Variants in ZNF559 observed in about 807,000 individuals in gnomAD.
The protein encoded by ZNF559 is zinc finger protein 559, also known as putative protein product of Nbla00121.
ZNF559 carries 17 observed loss-of-function variants against 14.2 expected under a neutral mutation model. The ratio of observed to expected loss-of-function variants is 1.20; its 90% confidence interval spans 0.82 to 1.80. The LOEUF is 1.80. Among genes scored for constraint, ZNF559 ranks in the 40% most tolerant of loss-of-function variants. ZNF559 has a pLI of 0.00. For missense variants in ZNF559, 740 were observed against 629.7 expected (o/e 1.18, Z -1.88); for synonymous variants, 244 against 212.4 (o/e 1.15, Z -1.29).
chr19:9,340,733 A>ATTTTTTTTTTTTT (rs201367378), intron 5 of ZNF559, among the ~76,000 whole-genome samples: 8 of 124,658 alleles, frequency 6.4e-5, no homozygotes, highest in East Asian at 2.2e-4. Context: ...TGCCTGGCTA[A>ATTTTTTTTTTTTT]TTTTTTTTTT....
At chr19:9,338,914 G>C (rs940821519) in intron 4 of ZNF559, among the ~76,000 whole-genome samples, 1 of 152,174 alleles carries the variant, frequency 6.6e-6, no homozygotes, top group Admixed American at 6.5e-5. Flanking sequence ...AATGTATTCA[G>C]GGTTGTGCTA....
At chr19:9,338,472 G>A (rs1477116974) in intron 3 of ZNF559, 22 bp from the exon 4 acceptor site, 5 of 1,592,866 alleles carry the variant, frequency 3.1e-6, no homozygotes, top group East Asian at 4.5e-5. Flanking sequence ...TGGATTCTCA[G>A]ATTTTATTTC....
intron 2 of ZNF559, among the ~76,000 whole-genome samples, chr19:9,335,321 G>A (rs528198354): frequency 2.0e-5 from 3 of 151,868 alleles, no homozygotes; most frequent in East Asian, 1.9e-4. Context: ...TTAATTGGCC[G>A]GGTGTGGTGG....
At position 9,343,828 on chromosome 19, in the gene ZNF559, A is replaced by T; in HGVS notation, c.*760A>T. The T allele has an allele frequency of 1.0e-6, 1 of 982,132 alleles. No homozygotes were observed. The highest frequency in any genetic ancestry group is 1.2e-6 in the Non-Finnish European group (1 of 827,018). The allele number at this position is 982,132 out of a possible 1,614,324, so 60.8% of individuals were successfully genotyped here. A position where few individuals can be genotyped will look rare whatever the true frequency, so the allele number is the denominator to read the frequency against. On this transcript the variant is annotated 3_prime_UTR_variant, in exon 7 of 7. Transcript: ENST00000603380. ...AAGAGGTTATATATCATTAATAAAAATATCTAGCTGGTCTGAAGATCCTGA... is the reference window on the plus strand; with the variant it reads ...AAGAGGTTATATATCATTAATAAAATTATCTAGCTGGTCTGAAGATCCTGA...
chr19:9,333,816 A>G (rs1250114021), intron 2 of ZNF559, among the ~76,000 whole-genome samples: 1 of 152,184 alleles, frequency 6.6e-6, no homozygotes, highest in Admixed American at 6.5e-5. Context: ...CAAAAATTCA[A>G]ACAATCCAAT....
At position 9,337,509 on chromosome 19, in the gene ZNF559, C is replaced by T. The variant is rs77657311; in HGVS notation, c.-119-287C>T. ...TCATTTCATGACGATCTCATGGTCA[C>T]GTTGGAGAATAAGAAGAACCTCAGG... On this transcript the variant is annotated intron_variant, in intron 2 of 6. Coordinates refer to ENST00000603380, the MANE Select transcript of ZNF559 (RefSeq NM_032497.3). 1.1e-4 allele frequency among the ~76,000 whole-genome samples: 17 copies of T among 152,272 alleles called. No homozygotes were observed. In the East Asian group the frequency reaches 2.1e-3, roughly 19 times the overall value.
chr19:9,334,802 T>A (rs1168626386), intron 2 of ZNF559, among the ~76,000 whole-genome samples: 1 of 152,140 alleles, frequency 6.6e-6, no homozygotes, highest in African/African-American at 2.4e-5. Flanking sequence ...GTAAAACTGA[T>A]GAGTAAACCC....
At chr19:9,340,670 G>A (rs1051404516) in intron 5 of ZNF559, among the ~76,000 whole-genome samples, 7 of 149,410 alleles carry the variant, frequency 4.7e-5, no homozygotes, top group African/African-American at 1.7e-4. Context: ...GGGTTCAAGT[G>A]ATTCCCCTGC....
rs934394883 is a variant in ZNF559, at chr19:9,345,560, T to C, written c.*2492T>C. 6 of 152,136 alleles carry C rather than the reference T, an allele frequency of 3.9e-5. No homozygotes were observed. The highest frequency in any genetic ancestry group is 1.4e-4 in the African/African-American group (6 of 41,436). The allele number at this position is 152,136 out of a possible 1,614,324, so 9.4% of individuals were successfully genotyped here. ...CCCTAGTGACTAATGATGTCTTACA[T>C]GGTTTCACGTGCTTACTGGCCTTCT... On this transcript the variant is annotated 3_prime_UTR_variant, in exon 7 of 7. Coordinates refer to ENST00000603380, the MANE Select transcript of ZNF559 (RefSeq NM_032497.3).
chr19:9,338,705 A>C, intron 4 of ZNF559, 123 bp downstream of exon 4: 1 of 708,988 alleles, frequency 1.4e-6, no homozygotes, highest in Non-Finnish European at 2.4e-6. Flanking sequence ...CACATCTCTC[A>C]TCAAACTTCT....
chr19:9,338,470 C>T (rs1425010481), intron 3 of ZNF559, 24 bp from the exon 4 acceptor site: 1 of 1,587,050 alleles, frequency 6.3e-7, no homozygotes, highest in Non-Finnish European at 8.6e-7. Flanking sequence ...CCTGGATTCT[C>T]AGATTTTATT....
intron 1 of ZNF559, 21 bp downstream of exon 1, chr19:9,324,249 G>T: frequency 6.5e-7 from 1 of 1,536,108 alleles, no homozygotes; most frequent in Non-Finnish European, 8.7e-7. Flanking sequence ...GTTTCTGGGC[G>T]GCGTTCGGTG....
In ZNF559 at chr19:9,341,204, A is replaced by AT. The variant is rs771089428; in HGVS notation, c.243+23dup. The AT allele has an allele frequency of 6.2e-7, 1 of 1,605,042 alleles. No homozygotes were observed. On this transcript the variant is annotated intron_variant, in intron 6 of 6. Transcript: ENST00000603380. ...GAAATGGTAAGATTCAGAAGGTATAATTTATTGTCTTCCATGTTAGAGGAA... is the reference window on the plus strand; with the variant it reads ...GAAATGGTAAGATTCAGAAGGTATAATTTTATTGTCTTCCATGTTAGAGGAA...
At chr19:9,330,052 A>G (rs1169154629) in intron 2 of ZNF559, 1 of 152,140 alleles carries the variant, frequency 6.6e-6, no homozygotes, top group Non-Finnish European at 1.5e-5. Context: ...ATGACTTGTT[A>G]TTACCATTTA....
chr19:9,324,619 C>G (rs1599268703), intron 1 of ZNF559, 76 bp from the exon 2 acceptor site: 21 of 284,798 alleles, frequency 7.4e-5, no homozygotes, highest in Non-Finnish European at 9.7e-5. Flanking sequence ...CATAGGGAGA[C>G]CCCCCCCCCC....
chr19:9,324,103 T>C, upstream of ZNF559: 1 of 1,499,178 alleles, frequency 6.7e-7, no homozygotes, highest in Non-Finnish European at 9.0e-7. Context: ...CAGCAGCTGA[T>C]GGGCCCGGGA....
At chr19:9,341,642 A>G in intron 6 of ZNF559, 53 bp from the exon 7 acceptor site, 1 of 1,603,386 alleles carries the variant, frequency 6.2e-7, no homozygotes, top group Non-Finnish European at 8.5e-7. Context: ...GGAGAATCTC[A>G]ATGAAATAAA....
At chr19:9,336,081 A>G (rs138307728) in intron 2 of ZNF559, among the ~76,000 whole-genome samples, 6 of 152,034 alleles carry the variant, frequency 3.9e-5, no homozygotes, top group African/African-American at 1.4e-4. Flanking sequence ...TTATTACTCT[A>G]TTGCTTTGGA....
intron 1 of ZNF559, 37 bp downstream of exon 1, chr19:9,324,265 C>T (rs2066437317): frequency 9.8e-6 from 15 of 1,535,944 alleles, no homozygotes; most frequent in Non-Finnish European, 1.2e-5. Context: ...CGGTGGTGTC[C>T]CGGTGCAGCC....
Sources: allele counts gnomAD v4.1 joint callset (sites outside exome capture counted in the v4.1 genomes callset), GRCh38; gene constraint gnomAD v4.1.1; transcripts MANE v1.5; gene names NCBI Gene and HGNC (gene_info 2026-07-23, HGNC 2026-07-21).